KIF1B: variants seen among roughly 807,000 people sequenced by gnomAD.
KIF1B encodes the protein kinesin family member 1B, also known as kinesin-like protein KIF1B.
In KIF1B, 76 loss-of-function variants were observed where a neutral mutation model predicts 241.9. The observed-to-expected ratio is 0.31, with a 90% CI of 0.26 to 0.38. The LOEUF (loss-of-function observed/expected upper bound fraction) is 0.38. Ranked by LOEUF, KIF1B falls within the 10% of genes least tolerant of loss-of-function variation. The pLI, the probability that KIF1B is intolerant of heterozygous loss-of-function variation, is 1.00. For synonymous variants in KIF1B, 750 were observed against 796.7 expected (o/e 0.94, Z 0.99); for missense variants, 1,622 against 2,271.4 (o/e 0.71, Z 5.81).
At chr1:10,350,955 G>A (rs1284004852) in intron 37 of KIF1B, among the ~76,000 whole-genome samples, 1 of 151,770 alleles carries the variant, frequency 6.6e-6, no homozygotes, top group Non-Finnish European at 1.5e-5. Flanking sequence ...GGGTGTGGTG[G>A]CTCATGCCTA....
intron 1 of KIF1B, among the ~76,000 whole-genome samples, chr1:10,229,486 A>G (rs1557650593): frequency 6.6e-6 from 1 of 152,282 alleles, no homozygotes; most frequent in East Asian, 1.9e-4. Flanking sequence ...AGTGAGAGAC[A>G]GACAGTGTGA....
In KIF1B at chr1:10,376,607, T is replaced by A; in HGVS notation, c.*20T>A. On this transcript the variant is annotated 3_prime_UTR_variant, in exon 49 of 49. Transcript: ENST00000676179. ...TACTAAGTGACTCTGCCGAGTGCCCTCACTCGCCTTCGAGAGATAAAGAAA... is the reference window on the plus strand; with the variant it reads ...TACTAAGTGACTCTGCCGAGTGCCCACACTCGCCTTCGAGAGATAAAGAAA... 1 of 1,612,018 alleles carries A rather than the reference T, an allele frequency of 6.2e-7. No homozygotes were observed. Among genetic ancestry groups the A allele is most frequent in the Non-Finnish European group, 8.5e-7 (1 of 1,178,126 alleles).
At chr1:10,372,757 G>A (rs1276779422) in intron 45 of KIF1B, among the ~76,000 whole-genome samples, 3 of 148,420 alleles carry the variant, frequency 2.0e-5, no homozygotes, top group African/African-American at 4.9e-5. Context: ...AGCCTCCCGA[G>A]TAGCTGGGAC....
chr1:10,216,957 CTTTTTTTTTTTTTTTTTT>C (rs70998362), intron 1 of KIF1B, among the ~76,000 whole-genome samples: 9 of 54,522 alleles, frequency 1.7e-4, no homozygotes, highest in South Asian at 1.0e-3. Flanking sequence ...TGCCCATTTT[CTTTTTTTTTTTTTTTTTT>C]TTTTTTTTTT....
chr1:10,357,520 G>T (rs977215360), intron 38 of KIF1B, among the ~76,000 whole-genome samples: 2 of 152,124 alleles, frequency 1.3e-5, no homozygotes, highest in Admixed American at 6.5e-5. Context: ...GATCACTTGA[G>T]CCCAAGAGTT....
intron 15 of KIF1B, among the ~76,000 whole-genome samples, chr1:10,286,831 G>GT (rs767982751): frequency 1.3e-5 from 2 of 151,680 alleles, no homozygotes; most frequent in Non-Finnish European, 2.9e-5. Context: ...GTGTCCCTCT[G>GT]TTTTTTGGAA....
At chr1:10,304,479 G>T (rs752326809) in intron 22 of KIF1B, 1 of 1,611,260 alleles carries the variant, frequency 6.2e-7, no homozygotes, top group South Asian at 1.1e-5. Flanking sequence ...AACACCGTCA[G>T]TCTTACTGTA....
intron 17 of KIF1B, among the ~76,000 whole-genome samples, 174 bp from the exon 18 acceptor site, chr1:10,294,912 A>G (rs78106420): frequency 0.019 from 2,851 of 152,264 alleles, 40 homozygotes; most frequent in Non-Finnish European, 0.028. Flanking sequence ...CCGTTTGGTG[A>G]GGCCTGAAGA....
At chr1:10,360,137 G>T (rs1222941739) in intron 38 of KIF1B, among the ~76,000 whole-genome samples, 1 of 152,088 alleles carries the variant, frequency 6.6e-6, no homozygotes. Flanking sequence ...AGATATATCT[G>T]TGGTGTTTCT....
At chr1:10,344,813 G>T (rs149713416) in intron 34 of KIF1B, 2 of 152,292 alleles carry the variant, frequency 1.3e-5, no homozygotes, top group East Asian at 3.9e-4. Context: ...AAATATTAGG[G>T]TCTACAGTTT....
chr1:10,276,733 A>C (rs868474122), intron 12 of KIF1B, among the ~76,000 whole-genome samples: 23 of 151,976 alleles, frequency 1.5e-4, no homozygotes, highest in African/African-American at 5.3e-4. Context: ...ACATTTTCTT[A>C]TTCATTTCTA....
chr1:10,320,316 A>AT (rs1438020803), intron 23 of KIF1B, among the ~76,000 whole-genome samples, 180 bp downstream of exon 23: 1 of 152,194 alleles, frequency 6.6e-6, no homozygotes, highest in Non-Finnish European at 1.5e-5. Context: ...TCCAGGCTGT[A>AT]TTTTATGAGG....
intron 15 of KIF1B, among the ~76,000 whole-genome samples, chr1:10,289,911 A>G (rs532272967): frequency 9.2e-5 from 14 of 151,572 alleles, no homozygotes; most frequent in African/African-American, 3.2e-4. Flanking sequence ...AACAAACAAA[A>G]TAAATAATAG....
In KIF1B at chr1:10,360,889, G is replaced by T. The variant is rs749981502; in HGVS notation, c.4056-40G>T. 12 of 1,412,152 alleles carry T rather than the reference G, an allele frequency of 8.5e-6. No homozygotes were observed. The South Asian group carries it at 1.4e-4, about 16-fold the overall frequency. 87.5% of individuals were successfully genotyped at this position (1,412,152 alleles called of 1,614,324 possible). ...CAGTACCTGGACTAACGTGACTTTA[G>T]CTTCTTTTGGATGATTCCCTCTTGT... is the stretch of plus-strand genomic sequence containing the variant. On this transcript the variant is annotated intron_variant, in intron 38 of 48. Coordinates refer to ENST00000676179, the MANE Select transcript of KIF1B (RefSeq NM_001365951.3).
intron 1 of KIF1B, among the ~76,000 whole-genome samples, chr1:10,231,241 A>C (rs907766855): frequency 6.6e-6 from 1 of 152,120 alleles, no homozygotes; most frequent in African/African-American, 2.4e-5. Context: ...AAAACCCAGA[A>C]GTTAAAGGAA....
chr1:10,315,033 G>C (rs931111839), intron 22 of KIF1B, among the ~76,000 whole-genome samples: 8 of 150,374 alleles, frequency 5.3e-5, no homozygotes, highest in African/African-American at 1.7e-4. Context: ...ATTTGAAACA[G>C]AGAAGCTGAA....
rs1456787335 is a variant in KIF1B, at chr1:10,374,869, G to A, written c.5112G>A (p.Lys1704=). 1 of 1,606,338 alleles carries A rather than the reference G, an allele frequency of 6.2e-7. No individual in the cohort carries two copies. The highest frequency in any genetic ancestry group is 1.7e-5 in the Admixed American group (1 of 59,898). ...EEIRPSSVVS[K]KGYLHFKEPL... ...TCGTTTTTAGCTCAGTGGTCTCTAA[G>A]AAAGGATACCTTCATTTCAAGGAGC... is the stretch of plus-strand genomic sequence containing the variant. The change falls in exon 47 of 49, where the codon AAG becomes AAA. Residue 1704 remains lysine (K), a synonymous_variant. Transcript: ENST00000676179. The surrounding 1 kb of genome is among the most constrained non-coding windows in gnomAD (Gnocchi z 4.3).
rs777771329 is a variant in KIF1B at position 10,379,191 on chromosome 1, TGAGA to T, written c.*2610_*2613del. On this transcript the variant is annotated 3_prime_UTR_variant, in exon 49 of 49. Coordinates refer to ENST00000676179, the MANE Select transcript of KIF1B (RefSeq NM_001365951.3). ...CTGTGACACAGGACGGTGGGAAGCC[TGAGA>T]GAGAGTGAAATTATGTGATACACTG... 1.3e-5 allele frequency: 3 copies of T among 232,232 alleles called. No homozygotes were observed. Among genetic ancestry groups the T allele is most frequent in the Non-Finnish European group, 2.6e-5 (3 of 117,256 alleles). 14.4% of individuals were successfully genotyped at this position (232,232 alleles called of 1,614,324 possible). A position where few individuals can be genotyped will look rare whatever the true frequency, so the allele number is the denominator to read the frequency against.
intron 43 of KIF1B, among the ~76,000 whole-genome samples, chr1:10,366,416 G>A (rs61778401): frequency 0.33 from 49,770 of 151,554 alleles, 8,308 homozygotes; most frequent in Middle Eastern, 0.38. Context: ...CAGCAGTGTC[G>A]ACACCTGCGT....
Sources: allele counts gnomAD v4.1 joint callset (sites outside exome capture counted in the v4.1 genomes callset), GRCh38; gene constraint gnomAD v4.1.1; non-coding constraint Gnocchi (gnomAD v3.1); transcripts MANE v1.5; gene names NCBI Gene and HGNC (gene_info 2026-07-23, HGNC 2026-07-21).